TMBIM6: variants seen among roughly 807,000 people sequenced by gnomAD.
TMBIM6 encodes the protein bax inhibitor 1.
A neutral mutation model predicts 31.4 loss-of-function variants in TMBIM6; 13 were observed. The ratio of observed to expected loss-of-function variants is 0.41; its 90% CI spans 0.27 to 0.66. The LOEUF is 0.66. Among genes scored for constraint, TMBIM6 ranks in the 30% least tolerant of loss-of-function variants. The probability of loss-of-function intolerance (pLI) is 0.28; values close to 1 mark genes in which losing one functional copy is unlikely to be tolerated. For missense variants in TMBIM6, 275 were observed against 289.5 expected (o/e 0.95, Z 0.36); for synonymous variants, 85 against 101.7 (o/e 0.84, Z 0.99).
Position 49,741,557 on chromosome 12 carries a change from A to C in TMBIM6, c.-85A>C, listed in dbSNP as rs1945294396. The C allele has an allele frequency of 6.4e-6, 1 of 156,112 alleles. No homozygotes were observed. The highest frequency in any genetic ancestry group is 1.7e-4 in the South Asian group (1 of 5,828). The allele number at this position is 156,112 out of a possible 1,614,324, so 9.7% of individuals were successfully genotyped here. The stretch of plus-strand genomic sequence containing the variant: ...GATCGGGAGCGGAAGTGGGCGAGTC[A>C]GAGCACATCCGGTGTTAGAAGCGCT... On this transcript the variant is annotated 5_prime_UTR_variant, in exon 1 of 10. Transcript: ENST00000267115.
intron 4 of TMBIM6, among the ~76,000 whole-genome samples, chr12:49,757,596 A>AGTCTAAT (rs1945629034): frequency 6.6e-6 from 1 of 152,250 alleles, no homozygotes; most frequent in African/African-American, 2.4e-5. Flanking sequence ...TCTGAGTGAC[A>AGTCTAAT]GTCTAATATA....
intron 1 of TMBIM6, among the ~76,000 whole-genome samples, chr12:49,746,849 T>C (rs1292723629): frequency 6.6e-6 from 1 of 152,224 alleles, no homozygotes; most frequent in Non-Finnish European, 1.5e-5. Flanking sequence ...TGTTTTTGTT[T>C]TTTTGAGACA....
Position 49,759,226 on chromosome 12 carries a change from C to T in TMBIM6, c.519C>T (p.Asn173=), listed in dbSNP as rs752613309. 2 of 1,613,724 alleles carry T rather than the reference C, an allele frequency of 1.2e-6. No homozygotes were observed. The highest frequency in any genetic ancestry group is 1.3e-5 in the African/African-American group (1 of 74,846). The change falls in exon 8 of 10, where the codon AAC becomes AAT. Residue 173 remains asparagine, a synonymous_variant. Transcript: ENST00000267115. ...FFGSIWLFQA[N]LYVGLVVMCG... ...TCATCTCTTACATTTGTTAGGCAAA[C>T]CTGTATGTGGGACTGGTGGTCATGT...
chr12:49,748,562 G>A (rs1945438319), intron 1 of TMBIM6, among the ~76,000 whole-genome samples: 2 of 152,198 alleles, frequency 1.3e-5, no homozygotes, highest in African/African-American at 2.4e-5. Flanking sequence ...AGCAGTATGT[G>A]CATGACATGT....
chr12:49,758,819 T>G, intron 7 of TMBIM6, 57 bp downstream of exon 7: 1 of 191,252 alleles, frequency 5.2e-6, no homozygotes, highest in Non-Finnish European at 8.0e-6. Context: ...CTTTCTTTCC[T>G]TTTTTTTTTT....
chr12:49,756,961 T>C (rs1289076143), intron 4 of TMBIM6, among the ~76,000 whole-genome samples: 1 of 152,066 alleles, frequency 6.6e-6, no homozygotes, highest in Non-Finnish European at 1.5e-5. Flanking sequence ...CTCGAACTCC[T>C]GACCTCGTGA....
At position 49,758,515 on chromosome 12, in the gene TMBIM6, C is replaced by T. The variant is rs374538354; in HGVS notation, c.433+35C>T. 2.2e-5 allele frequency: 36 copies of T among 1,605,070 alleles called. No individual in the cohort carries two copies. The African/African-American group carries it at 2.7e-4, about 12-fold the overall frequency. ...AACTGGGAAACAGGGAATGGGGGCT[C>T]CTTTTTAGCCAGAATTCTCACTAGT... On this transcript the variant is annotated intron_variant, in intron 6 of 9. Coordinates refer to ENST00000267115, the MANE Select transcript of TMBIM6 (RefSeq NM_003217.3).
At chr12:49,742,000 C>T (rs1945303835) in intron 1 of TMBIM6, 1 of 1,289,436 alleles carries the variant, frequency 7.8e-7, no homozygotes, top group Admixed American at 2.2e-5. Context: ...GAATTCAGAG[C>T]ACGTCCTTCC....
chr12:49,752,439 A>T, intron 1 of TMBIM6, 25 bp from the exon 2 acceptor site: 1 of 1,552,072 alleles, frequency 6.4e-7, no homozygotes, highest in Non-Finnish European at 8.8e-7. Context: ...TGACTTAATG[A>T]CTCTAACCTT....
rs370800854 is a variant in TMBIM6 at position 49,764,722 on chromosome 12, AGAAAG to A, written c.*1827_*1831del. On this transcript the variant is annotated 3_prime_UTR_variant, in exon 10 of 10. Coordinates refer to ENST00000267115, the MANE Select transcript of TMBIM6 (RefSeq NM_003217.3). ...AATGACAAGATATTAAAAAAAAAAA[AGAAAG>A]AAAAAAAAAAAAACACCTACTTTTA... is the stretch of plus-strand genomic sequence containing the variant. 3 of 104,424 alleles carry A rather than the reference AGAAAG, an allele frequency of 2.9e-5. No homozygotes were observed. Among genetic ancestry groups the A allele is most frequent in the African/African-American group, 6.5e-5 (1 of 15,494 alleles). The allele number at this position is 104,424 out of a possible 1,614,324, so 6.5% of individuals were successfully genotyped here.
chr12:49,758,817 CCTT>C, intron 7 of TMBIM6, 55 bp downstream of exon 7: 1 of 1,344,856 alleles, frequency 7.4e-7, no homozygotes. Context: ...TTCTTTCTTT[CCTT>C]TTTTTTTTTT....
At chr12:49,758,906 C>G in intron 7 of TMBIM6, 144 bp downstream of exon 7, 1 of 748,888 alleles carries the variant, frequency 1.3e-6, no homozygotes. Flanking sequence ...ATGGAGCCTT[C>G]TGCCACAAGT....
chr12:49,753,207 T>G, intron 3 of TMBIM6, 126 bp downstream of exon 3: 1 of 672,602 alleles, frequency 1.5e-6, no homozygotes, highest in Admixed American at 3.2e-5. Flanking sequence ...GGATTTAAAC[T>G]CAGACATTAA....
intron 9 of TMBIM6, among the ~76,000 whole-genome samples, chr12:49,762,629 G>A (rs1429275355): frequency 6.6e-6 from 1 of 152,086 alleles, no homozygotes; most frequent in Non-Finnish European, 1.5e-5. Context: ...AGCCCACCTC[G>A]GCACTCCTGG....
intron 8 of TMBIM6, 110 bp from the exon 9 acceptor site, chr12:49,761,594 G>A (rs893843230): frequency 2.2e-6 from 2 of 906,336 alleles, no homozygotes; most frequent in Non-Finnish European, 3.4e-6. Context: ...GGTAAAGTGT[G>A]GGAGAAGCTG....
In TMBIM6 at chr12:49,763,270, C is replaced by T. The variant is rs11540524; in HGVS notation, c.*374C>T. ...ACCTGAACTGTTTGGTAGAGCCACC[C>T]GGCCCTTCCTTCCTCATTGTTGTTT... On this transcript the variant is annotated 3_prime_UTR_variant, in exon 10 of 10. Coordinates refer to ENST00000267115, the MANE Select transcript of TMBIM6 (RefSeq NM_003217.3). The T allele has an allele frequency of 2.0e-3, 375 of 183,204 alleles. 3 individuals are homozygous for T. Among genetic ancestry groups the T allele is most frequent in the Middle Eastern group, 7.2e-3 (3 of 414 alleles). The allele number at this position is 183,204 out of a possible 1,614,324, so 11.3% of individuals were successfully genotyped here. A position where few individuals can be genotyped will look rare whatever the true frequency, so the allele number is the denominator to read the frequency against.
Position 49,755,617 on chromosome 12 carries a change from T to C in TMBIM6, c.166-18T>C, listed in dbSNP as rs772630485. On this transcript the variant is annotated intron_variant, in intron 3 of 9. Coordinates refer to ENST00000267115, the MANE Select transcript of TMBIM6 (RefSeq NM_003217.3). ...AACTTTCAAGTGTTTAATGATTGAT[T>C]GATTCTGACTCTAACAGGCTGGCCT... 4.4e-6 allele frequency: 7 copies of C among 1,607,378 alleles called. No homozygotes were observed. In the East Asian group the frequency reaches 8.9e-5, roughly 20 times the overall value.
At chr12:49,752,333 T>C in intron 1 of TMBIM6, 131 bp from the exon 2 acceptor site, 1 of 533,954 alleles carries the variant, frequency 1.9e-6, no homozygotes, top group Non-Finnish European at 3.2e-6. Context: ...ATAAAAATGG[T>C]TGTGTTAGGG....
chr12:49,757,692 G>A (rs1445004687), intron 4 of TMBIM6, among the ~76,000 whole-genome samples: 1 of 152,270 alleles, frequency 6.6e-6, no homozygotes, highest in East Asian at 1.9e-4. Flanking sequence ...ATTAAGGGGT[G>A]GAATTATCAG....
Sources: allele counts gnomAD v4.1 joint callset (sites outside exome capture counted in the v4.1 genomes callset), GRCh38; gene constraint gnomAD v4.1.1; transcripts MANE v1.5; gene names NCBI Gene and HGNC (gene_info 2026-07-23, HGNC 2026-07-21).